The following LRRC7 variants were observed in gnomAD, a reference collection of about 807,000 sequenced individuals.
LRRC7 encodes leucine rich repeat containing 7, also known as leucine-rich repeat-containing protein 7.
LRRC7 carries 23 observed loss-of-function variants against 175.7 expected under a neutral mutation model. That is an observed-to-expected ratio of 0.13 (90% CI 0.09 to 0.19). The LOEUF (loss-of-function observed/expected upper bound fraction) is 0.19. LRRC7 is among the 10% of genes least tolerant of loss of function. The probability of loss-of-function intolerance (pLI) is 1.00; values close to 1 mark genes in which losing one functional copy is unlikely to be tolerated. For synonymous variants in LRRC7, 685 were observed against 680.9 expected (o/e 1.01, Z -0.09); for missense variants, 1,354 against 1,904.7 (o/e 0.71, Z 5.38).
Position 70,039,204 on chromosome 1 carries a change from C to T in LRRC7, c.3380C>T (p.Ser1127Phe), listed in dbSNP as rs760811500. 7 of 1,614,008 alleles carry T rather than the reference C, an allele frequency of 4.3e-6. No homozygotes were observed. Among genetic ancestry groups the T allele is most frequent in the Non-Finnish European group, 3.4e-6 (4 of 1,180,012 alleles). The change falls in exon 21 of 27, where the codon TCT becomes TTT. Residue 1127 changes from serine to phenylalanine, a missense_variant. Transcript: ENST00000651989. ...CCGATGGAGCAAATGTTTTCATTTT[C>T]TCAGCCATCTGTGAATGAGGATGCT... Reference protein sequence around the residue: ...YPPMEQMFSFSQPSVNEDAVV... With the variant: ...YPPMEQMFSFFQPSVNEDAVV...
chr1:70,068,468 T>C (rs1006200625), intron 23 of LRRC7, among the ~76,000 whole-genome samples: 1 of 152,210 alleles, frequency 6.6e-6, no homozygotes, highest in Non-Finnish European at 1.5e-5. Flanking sequence ...TCATGGTATA[T>C]CATTCTTTTT....
intron 25 of LRRC7, among the ~76,000 whole-genome samples, chr1:70,099,408 GCACAAGA>G (rs1664655220): frequency 7.1e-6 from 1 of 140,518 alleles, no homozygotes; most frequent in Non-Finnish European, 1.5e-5. Context: ...TTGAAAACTG[GCACAAGA>G]CAGGGATGCC....
At chr1:70,022,687 A>G (rs148657715) in intron 16 of LRRC7, among the ~76,000 whole-genome samples, 106 of 152,322 alleles carry the variant, frequency 7.0e-4, no homozygotes, top group African/African-American at 2.5e-3. Context: ...TATTGGACAA[A>G]TTAGAGCACA....
chr1:70,110,854 A>G (rs1214918929), intron 26 of LRRC7, among the ~76,000 whole-genome samples: 3 of 152,240 alleles, frequency 2.0e-5, no homozygotes, highest in African/African-American at 7.2e-5. Flanking sequence ...ATTGTTTGCA[A>G]TATCAGATGC....
intron 4 of LRRC7, among the ~76,000 whole-genome samples, chr1:69,811,590 A>AT (rs1677874889): frequency 6.6e-6 from 1 of 152,322 alleles, no homozygotes; most frequent in African/African-American, 2.4e-5. Context: ...CTATGCATCC[A>AT]TAAAAAAGGA....
At chr1:69,585,880 G>C (rs1646383459) in intron 1 of LRRC7, among the ~76,000 whole-genome samples, 2 of 152,124 alleles carry the variant, frequency 1.3e-5, no homozygotes, top group South Asian at 2.1e-4. Flanking sequence ...TTAGCAAACT[G>C]TTCCATTGTT....
At chr1:70,036,094 CTTG>C (rs1571116773) in intron 18 of LRRC7, 24 bp from the exon 19 acceptor site, 1 of 1,537,704 alleles carries the variant, frequency 6.5e-7, no homozygotes, top group Non-Finnish European at 8.9e-7. Context: ...GTTTACTTTC[CTTG>C]TCCTGTATTA....
intron 22 of LRRC7, among the ~76,000 whole-genome samples, chr1:70,047,353 G>A (rs542276575): frequency 6.6e-6 from 1 of 152,210 alleles, no homozygotes; most frequent in African/African-American, 2.4e-5. Flanking sequence ...TTTAAGCACT[G>A]GAAATGGAGT....
intron 9 of LRRC7, among the ~76,000 whole-genome samples, chr1:69,981,775 CTCT>C (rs1217148256): frequency 6.6e-6 from 1 of 152,122 alleles, no homozygotes; most frequent in Non-Finnish European, 1.5e-5. Flanking sequence ...AAGTTTATAC[CTCT>C]TCTTCAATAT....
rs1217416173 is a variant in LRRC7, at chr1:69,783,438, G to C, written c.304-8605G>C. 1.3e-5 allele frequency among the ~76,000 whole-genome samples: 2 copies of C among 152,224 alleles called. 1 individual carries two copies. Among genetic ancestry groups the C allele is most frequent in the South Asian group, 4.1e-4 (2 of 4,828 alleles). ...TACAAAAAGGTTGTCTTGCAAACCA[G>C]TGGAGAAATAATGAAGTTTTAAAAA... is the stretch of plus-strand genomic sequence containing the variant. On this transcript the variant is annotated intron_variant, in intron 3 of 26. Transcript: ENST00000651989.
At chr1:69,983,265 A>G (rs1011621934) in intron 9 of LRRC7, among the ~76,000 whole-genome samples, 1 of 152,208 alleles carries the variant, frequency 6.6e-6, no homozygotes, top group Non-Finnish European at 1.5e-5. Flanking sequence ...GCCTGTGCTC[A>G]CACTCTGCAC....
Position 69,568,527 on chromosome 1 carries a change from C to T in LRRC7, c.-113C>T. On this transcript the variant is annotated 5_prime_UTR_variant, in exon 1 of 27. Transcript: ENST00000651989. ...TCTACTCCTTCCCTCCTCTTCTCCT[C>T]CGAAGACCCTGGCGCCCACTCCACT... is the stretch of plus-strand genomic sequence containing the variant. 1 of 1,038,432 alleles carries T rather than the reference C, an allele frequency of 9.6e-7. No individual in the cohort carries two copies. Among genetic ancestry groups the T allele is most frequent in the Non-Finnish European group, 1.3e-6 (1 of 761,188 alleles). 64.3% of individuals were successfully genotyped at this position (1,038,432 alleles called of 1,614,324 possible).
intron 18 of LRRC7, among the ~76,000 whole-genome samples, chr1:70,031,521 C>A (rs1347343135): frequency 1.3e-5 from 2 of 152,092 alleles, no homozygotes; most frequent in African/African-American, 4.8e-5. Context: ...AGCCAAACAG[C>A]TTAGTAAATA....
rs114684957 is a variant in LRRC7, at chr1:69,891,256, G to A, written c.648-40251G>A. 5.7e-3 allele frequency among the ~76,000 whole-genome samples: 868 copies of A among 152,318 alleles called. 5 individuals are homozygous for A. The highest frequency in any genetic ancestry group is 0.014 in the Middle Eastern group (4 of 294). Reference sequence around the variant, plus strand: ...TTGAACACTTAGAGACCATTATAGGGTTATTGATTGGCCTAATTTGTTGTG... The same window carrying A: ...TTGAACACTTAGAGACCATTATAGGATTATTGATTGGCCTAATTTGTTGTG... On this transcript the variant is annotated intron_variant, in intron 7 of 26. Coordinates refer to ENST00000651989, the MANE Select transcript of LRRC7 (RefSeq NM_001370785.2).
At chr1:69,900,587 C>A (rs999630096) in intron 7 of LRRC7, among the ~76,000 whole-genome samples, 1 of 151,988 alleles carries the variant, frequency 6.6e-6, no homozygotes, top group Non-Finnish European at 1.5e-5. Context: ...TCTAAGGTGC[C>A]AAATCATAAT....
intron 2 of LRRC7, among the ~76,000 whole-genome samples, chr1:69,757,398 G>A (rs549759004): frequency 7.1e-4 from 108 of 152,048 alleles, no homozygotes; most frequent in South Asian, 5.4e-3. Context: ...ATGGGAGTGA[G>A]GAGGATTCAA....
intron 21 of LRRC7, among the ~76,000 whole-genome samples, chr1:70,043,290 T>C (rs1359437456): frequency 6.6e-6 from 1 of 152,162 alleles, no homozygotes; most frequent in East Asian, 1.9e-4. Flanking sequence ...TTCTTTAGTT[T>C]AAAATATAAT....
In LRRC7 at chr1:70,059,473, A is replaced by ATG. The variant is rs1558034876; in HGVS notation, c.4230+6328_4230+6329insTG. Among the ~76,000 whole-genome samples, 517 of 99,614 alleles carry ATG rather than the reference A, an allele frequency of 5.2e-3. 3 individuals are homozygous for ATG. Among genetic ancestry groups the ATG allele is most frequent in the African/African-American group, 0.022 (490 of 22,638 alleles). The allele number at this position is 99,614 out of a possible 152,430, so 65.4% of individuals were successfully genotyped here. A position where few individuals can be genotyped will look rare whatever the true frequency, so the allele number is the denominator to read the frequency against. ...TTTATCAGAAGAAGAAACTAGAAGA[A>ATG]AGTGTGTGTGTGTGTGTGTGTGTGT... On this transcript the variant is annotated intron_variant, in intron 23 of 26. Coordinates refer to ENST00000651989, the MANE Select transcript of LRRC7 (RefSeq NM_001370785.2).
At chr1:69,832,881 G>T (rs1351849947) in intron 5 of LRRC7, among the ~76,000 whole-genome samples, 1 of 152,124 alleles carries the variant, frequency 6.6e-6, no homozygotes, top group African/African-American at 2.4e-5. Context: ...GAGGTGGGTG[G>T]ATCACCTGAG....
Sources: gnomAD v4.1 joint callset for allele counts (sites outside exome capture counted in the v4.1 genomes callset) on GRCh38, gnomAD v4.1.1 for gene constraint, MANE v1.5 for transcripts, NCBI Gene and HGNC (gene_info 2026-07-23, HGNC 2026-07-21) for gene names.